LHFPL2: variants seen among roughly 807,000 people sequenced by gnomAD.
LHFPL2 encodes the protein LHFPL tetraspan subfamily member 2 protein.
Under a neutral mutation model 17.5 loss-of-function variants are expected in LHFPL2, and 7 were observed. The ratio of observed to expected loss-of-function variants is 0.40; its 90% CI spans 0.23 to 0.75. The LOEUF (loss-of-function observed/expected upper bound fraction) is 0.75. LHFPL2 is among the 30% of genes least tolerant of loss of function. The pLI, the probability that LHFPL2 is intolerant of heterozygous loss-of-function variation, is 0.37. For synonymous variants in LHFPL2, 134 were observed against 116.2 expected (o/e 1.15, Z -0.99); for missense variants, 241 against 294.8 (o/e 0.82, Z 1.34).
intron 2 of LHFPL2, among the ~76,000 whole-genome samples, chr5:78,574,468 A>G (rs550830836): frequency 6.6e-6 from 1 of 152,322 alleles, no homozygotes; most frequent in Admixed American, 6.5e-5. Flanking sequence ...CCACATACCA[A>G]CTGAACCCTG....
chr5:78,496,641 GAC>G (rs1287697588), intron 4 of LHFPL2, among the ~76,000 whole-genome samples: 37 of 152,184 alleles, frequency 2.4e-4, no homozygotes, highest in Non-Finnish European at 3.7e-4. Context: ...TGTTCCATAT[GAC>G]ACAGCTTAGA....
At position 78,488,818 on chromosome 5, in the gene LHFPL2, T is replaced by C; in HGVS notation, c.*79A>G. 6.5e-7 allele frequency: 1 copy of C among 1,529,724 alleles called. No individual in the cohort carries two copies. Among genetic ancestry groups the C allele is most frequent in the East Asian group, 2.2e-5 (1 of 44,450 alleles). The allele number at this position is 1,529,724 out of a possible 1,614,324, so 94.8% of individuals were successfully genotyped here. A position where few individuals can be genotyped will look rare whatever the true frequency, so the allele number is the denominator to read the frequency against. On this transcript the variant is annotated 3_prime_UTR_variant, in exon 5 of 5. Transcript: ENST00000380345. ...GGCTTTGGTAGGTAAAGGTTAGTTC[T>C]CCACTTGACTCAAATGATGAAACTG...
At chr5:78,540,202 T>C (rs544409431) in intron 3 of LHFPL2, among the ~76,000 whole-genome samples, 11 of 152,312 alleles carry the variant, frequency 7.2e-5, no homozygotes, top group African/African-American at 2.6e-4. Context: ...AAGAGACATG[T>C]TTTATGTTAA....
chr5:78,555,260 TAA>T (rs1756542019), intron 3 of LHFPL2, among the ~76,000 whole-genome samples: 1 of 152,142 alleles, frequency 6.6e-6, no homozygotes, highest in Non-Finnish European at 1.5e-5. Flanking sequence ...AGCAAGGAGG[TAA>T]AAACTTAATT....
At chr5:78,498,064 A>G (rs1024733061) in intron 4 of LHFPL2, among the ~76,000 whole-genome samples, 1 of 152,184 alleles carries the variant, frequency 6.6e-6, no homozygotes, top group Non-Finnish European at 1.5e-5. Context: ...CAGGTGAGAG[A>G]AGACAAAGGA....
intron 3 of LHFPL2, among the ~76,000 whole-genome samples, chr5:78,556,925 G>A (rs1032109094): frequency 6.6e-6 from 1 of 151,844 alleles, no homozygotes; most frequent in Admixed American, 6.6e-5. Flanking sequence ...TTTGATAACT[G>A]GGGGGACAGG....
At chr5:78,631,201 T>C (rs561680176) in intron 2 of LHFPL2, among the ~76,000 whole-genome samples, 26 of 152,348 alleles carry the variant, frequency 1.7e-4, no homozygotes, top group Non-Finnish European at 7.3e-5. Flanking sequence ...GTCTACTGTT[T>C]GTTCCCTATT....
chr5:78,494,265 G>A, intron 4 of LHFPL2: 1 of 660,006 alleles, frequency 1.5e-6, no homozygotes. Context: ...CCAGCTGGGA[G>A]GAAGAAGAAA....
At chr5:78,498,839 G>GT (rs1192203640) in intron 4 of LHFPL2, among the ~76,000 whole-genome samples, 1 of 152,202 alleles carries the variant, frequency 6.6e-6, no homozygotes, top group African/African-American at 2.4e-5. Context: ...AAACTATCCT[G>GT]TAAAAAACAG....
chr5:78,551,243 T>C (rs2112393208), intron 3 of LHFPL2, among the ~76,000 whole-genome samples: 1 of 152,354 alleles, frequency 6.6e-6, no homozygotes, highest in African/African-American at 2.4e-5. Flanking sequence ...TAGAAATTTC[T>C]AAGGAATTGT....
intron 1 of LHFPL2, among the ~76,000 whole-genome samples, chr5:78,634,353 G>A (rs1012937235): frequency 5.3e-5 from 8 of 152,178 alleles, no homozygotes; most frequent in East Asian, 1.9e-4. Flanking sequence ...GAAGTCATGC[G>A]TGGTATGGGG....
At chr5:78,580,723 A>G (rs923319196) in intron 2 of LHFPL2, among the ~76,000 whole-genome samples, 3 of 152,172 alleles carry the variant, frequency 2.0e-5, no homozygotes, top group African/African-American at 7.2e-5. Context: ...TTTTGGTACC[A>G]GTACCATGCT....
intron 2 of LHFPL2, among the ~76,000 whole-genome samples, chr5:78,597,864 T>C (rs1743881288): frequency 6.6e-6 from 1 of 152,180 alleles, no homozygotes; most frequent in Non-Finnish European, 1.5e-5. Flanking sequence ...TTGGTATCAC[T>C]GGGCAAGCTT....
intron 3 of LHFPL2, among the ~76,000 whole-genome samples, chr5:78,535,218 T>C (rs891924105): frequency 2.0e-5 from 3 of 152,148 alleles, no homozygotes; most frequent in Non-Finnish European, 4.4e-5. Flanking sequence ...GCCGAGGGGC[T>C]GCACGGACAG....
chr5:78,582,523 G>A (rs1484185895), intron 2 of LHFPL2, among the ~76,000 whole-genome samples: 1 of 151,122 alleles, frequency 6.6e-6, no homozygotes, highest in Non-Finnish European at 1.5e-5. Context: ...ATCTTTATTT[G>A]TGCCTTCATT....
rs184314462 is a variant in LHFPL2 at position 78,579,431 on chromosome 5, C to T, written c.-244-14560G>A. On this transcript the variant is annotated intron_variant, in intron 2 of 4. Transcript: ENST00000380345. Reference sequence around the variant, plus strand: ...TATGTATACATGTGCCATGCTGGTGCGCTGCACCCACTAACTCGTCATCTA... The same window carrying T: ...TATGTATACATGTGCCATGCTGGTGTGCTGCACCCACTAACTCGTCATCTA... Among the ~76,000 whole-genome samples, 29 of 151,990 alleles carry T rather than the reference C, an allele frequency of 1.9e-4. No homozygotes were observed. The East Asian group carries it at 1.9e-3, about 10-fold the overall frequency.
intron 2 of LHFPL2, among the ~76,000 whole-genome samples, chr5:78,611,803 G>A (rs1744431250): frequency 6.6e-6 from 1 of 152,186 alleles, no homozygotes; most frequent in African/African-American, 2.4e-5. Flanking sequence ...TCATGTAGGA[G>A]CACAAACTTT....
chr5:78,600,958 C>G (rs940910460), intron 2 of LHFPL2, among the ~76,000 whole-genome samples: 1 of 152,136 alleles, frequency 6.6e-6, no homozygotes, highest in Non-Finnish European at 1.5e-5. Flanking sequence ...AAAAAGTTAA[C>G]TGAAACTCCA....
In LHFPL2 at chr5:78,643,930, C is replaced by T. The variant is rs55938458; in HGVS notation, c.-350+4569G>A. ...ACAAAAAATTAGCCAGGTGTGGTGG[C>T]GTGCACCTGTAGTCCCAGCTACTCA... On this transcript the variant is annotated intron_variant, in intron 1 of 4. Transcript: ENST00000380345. 6.7e-3 allele frequency among the ~76,000 whole-genome samples: 1,019 copies of T among 152,182 alleles called. 13 individuals carry two copies. Among genetic ancestry groups the T allele is most frequent in the African/African-American group, 0.023 (945 of 41,502 alleles).
Sources: gnomAD v4.1 joint callset for allele counts (sites outside exome capture counted in the v4.1 genomes callset) on GRCh38, gnomAD v4.1.1 for gene constraint, MANE v1.5 for transcripts, NCBI Gene and HGNC (gene_info 2026-07-23, HGNC 2026-07-21) for gene names.